The following IQCK variants were observed in gnomAD, a reference collection of about 807,000 sequenced individuals.
The protein encoded by IQCK is IQ motif containing K, also known as IQ domain-containing protein K.
Under a neutral mutation model 28.1 loss-of-function variants are expected in IQCK, and 29 were observed. The observed-to-expected ratio is 1.03, with a 90% CI of 0.77 to 1.41. The LOEUF is 1.41. Among genes scored for constraint, IQCK ranks in the 40% most tolerant of loss-of-function variants. The pLI, the probability that IQCK is intolerant of heterozygous loss-of-function variation, is 0.00. For missense variants in IQCK, 359 were observed against 314.7 expected, an observed-to-expected ratio of 1.14 and a Z score of -1.07; for synonymous variants, 113 against 115.1, an observed-to-expected ratio of 0.98 and a Z score of 0.12.
intron 6 of IQCK, among the ~76,000 whole-genome samples, chr16:19,771,298 C>T (rs1235970398): frequency 6.6e-6 from 1 of 152,060 alleles, no homozygotes; most frequent in Non-Finnish European, 1.5e-5. Flanking sequence ...TGGCATGTTG[C>T]CCAGGTGGGT....
chr16:19,726,203 C>T (rs770349178), intron 1 of IQCK, among the ~76,000 whole-genome samples: 14 of 149,230 alleles, frequency 9.4e-5, no homozygotes, highest in Middle Eastern at 3.8e-3. Context: ...CGTGAGCCAC[C>T]GTGCCCAGTC....
At chr16:19,780,575 C>T (rs546699980) in intron 6 of IQCK, among the ~76,000 whole-genome samples, 31 of 152,286 alleles carry the variant, frequency 2.0e-4, no homozygotes, top group African/African-American at 3.6e-4. Context: ...TCAGGGGTCC[C>T]GGAACTTGGA....
At chr16:19,753,609 G>A (rs1313444626) in intron 4 of IQCK, among the ~76,000 whole-genome samples, 3 of 152,090 alleles carry the variant, frequency 2.0e-5, no homozygotes, top group East Asian at 1.9e-4. Context: ...TACTGAGCAC[G>A]TATCTTGGTT....
At chr16:19,839,902 G>A (rs988017603) in intron 9 of IQCK, among the ~76,000 whole-genome samples, 1 of 152,114 alleles carries the variant, frequency 6.6e-6, no homozygotes, top group African/African-American at 2.4e-5. Context: ...GGCTGAAGCA[G>A]GAGGACCTCT....
intron 4 of IQCK, chr16:19,736,259 A>G (rs1000937062): frequency 2.3e-5 from 10 of 432,368 alleles, no homozygotes; most frequent in Non-Finnish European, 4.6e-6. Flanking sequence ...GGGAAGTTTT[A>G]GTTTAGTATC....
chr16:19,852,696 T>C (rs1308549433), intron 9 of IQCK, among the ~76,000 whole-genome samples: 15 of 151,112 alleles, frequency 9.9e-5, no homozygotes, highest in Admixed American at 5.3e-4. Context: ...GATCTTGGCT[T>C]ACTGCAAGCT....
At chr16:19,769,996 C>T (rs554167791) in intron 6 of IQCK, among the ~76,000 whole-genome samples, 2 of 152,168 alleles carry the variant, frequency 1.3e-5, no homozygotes, top group South Asian at 2.1e-4. Flanking sequence ...AGGGACCCAG[C>T]GAGAAGAGCA....
exon 2 of IQCK, chr16:19,730,471 G>A: frequency 1.2e-6 from 2 of 1,608,544 alleles, no homozygotes; most frequent in Non-Finnish European, 1.7e-6. Flanking sequence ...AGGATATAAA[G>A]TCAAACAGGA....
At chr16:19,832,126 CT>C (rs1830075019), downstream of IQCK, among the ~76,000 whole-genome samples, 1 of 150,828 alleles carries the variant, frequency 6.6e-6, no homozygotes, top group African/African-American at 2.4e-5. Context: ...TTCAAATGTG[CT>C]TTGTAATTGA....
At chr16:19,852,713 C>T (rs1226863035) in intron 9 of IQCK, among the ~76,000 whole-genome samples, 1 of 151,072 alleles carries the variant, frequency 6.6e-6, no homozygotes, top group African/African-American at 2.4e-5. Flanking sequence ...AGCTCCGCCT[C>T]CTGGGTTCAC....
chr16:19,773,091 C>T (rs759703310), intron 6 of IQCK, among the ~76,000 whole-genome samples: 5 of 151,988 alleles, frequency 3.3e-5, no homozygotes, highest in East Asian at 1.9e-4. Context: ...GTGCCCTGGG[C>T]GAGGTGGTAT....
chr16:19,822,068 AAAAAAAAAAAAAAAAC>A (rs2056079462), intron 7 of IQCK, among the ~76,000 whole-genome samples: 1 of 69,052 alleles, frequency 1.4e-5, no homozygotes, highest in Non-Finnish European at 2.5e-5. Flanking sequence ...ACCCTGTCTC[AAAAAAAAAAAAAAAAC>A]AAAAAAAAAA....
chr16:19,797,272 C>CT lies in IQCK; in HGVS notation c.690+8352dup, dbSNP rs1384751076. Among the ~76,000 whole-genome samples, 2 of 113,534 alleles carry CT rather than the reference C, an allele frequency of 1.8e-5. 1 individual carries two copies. The highest frequency in any genetic ancestry group is 3.1e-5 in the Non-Finnish European group (2 of 64,208). 74.5% of individuals were successfully genotyped at this position (113,534 alleles called of 152,430 possible). The stretch of plus-strand genomic sequence containing the variant: ...GGATACAATTGGTAAGAAAAAAAAC[C>CT]TTGCTTTCTTGTGAGGTTCAAATAT... On this transcript the variant is annotated intron_variant, in intron 7 of 7. Transcript: ENST00000564186.
exon 3 of IQCK, chr16:19,733,744 A>G: frequency 1.2e-6 from 2 of 1,614,218 alleles, no homozygotes; most frequent in Non-Finnish European, 1.7e-6. Context: ...AGTGCAGAGC[A>G]CTATTTTCCG....
intron 4 of IQCK, among the ~76,000 whole-genome samples, chr16:19,737,248 A>G (rs1273454307): frequency 1.3e-5 from 2 of 152,152 alleles, no homozygotes; most frequent in Non-Finnish European, 2.9e-5. Flanking sequence ...CTATAAAATT[A>G]TCCATAGTTA....
At chr16:19,828,906 T>G (rs1240643188), downstream of IQCK, among the ~76,000 whole-genome samples, 2 of 141,408 alleles carry the variant, frequency 1.4e-5, no homozygotes, top group Non-Finnish European at 3.1e-5. Context: ...ATATATATTT[T>G]TATATATTTT....
At chr16:19,836,420 A>T (rs2056298355) in intron 9 of IQCK, among the ~76,000 whole-genome samples, 1 of 152,238 alleles carries the variant, frequency 6.6e-6, no homozygotes, top group Non-Finnish European at 1.5e-5. Context: ...GACATGACAG[A>T]AGCCTCCCAC....
chr16:19,839,687 G>C (rs749136338), intron 9 of IQCK, among the ~76,000 whole-genome samples: 3 of 151,952 alleles, frequency 2.0e-5, no homozygotes, highest in African/African-American at 4.8e-5. Context: ...CTTGCCAAAC[G>C]CTCTATGGGC....
intron 6 of IQCK, among the ~76,000 whole-genome samples, chr16:19,779,070 A>G (rs2055438739): frequency 6.6e-6 from 1 of 151,952 alleles, no homozygotes; most frequent in South Asian, 2.1e-4. Flanking sequence ...GCAGCCTCGA[A>G]CTCCTGCCCT....
Sources: gnomAD v4.1 joint callset for allele counts (sites outside exome capture counted in the v4.1 genomes callset) on GRCh38, gnomAD v4.1.1 for gene constraint, MANE v1.5 for transcripts, NCBI Gene and HGNC (gene_info 2026-07-23, HGNC 2026-07-21) for gene names.